The following ERBB4 variants were observed in gnomAD, a reference collection of about 807,000 sequenced individuals.
ERBB4 encodes the protein erb-b2 receptor tyrosine kinase 4.
A neutral mutation model predicts 158.0 loss-of-function variants in ERBB4; 42 were observed. The observed-to-expected ratio is 0.27, with a 90% CI of 0.21 to 0.34. The LOEUF (loss-of-function observed/expected upper bound fraction) is 0.34, where lower values mean the gene tolerates loss of function less well. Ranked by LOEUF, ERBB4 falls within the 10% of genes least tolerant of loss-of-function variation. The probability of loss-of-function intolerance (pLI) is 1.00; values close to 1 mark genes in which losing one functional copy is unlikely to be tolerated. For synonymous variants in ERBB4, 583 were observed against 558.7 expected, an observed-to-expected ratio of 1.04 and a Z score of -0.61; for missense variants, 1,333 against 1,624.1, an observed-to-expected ratio of 0.82 and a Z score of 3.08.
chr2:211,668,113 G>A (rs2071697951), intron 14 of ERBB4, among the ~76,000 whole-genome samples: 1 of 152,144 alleles, frequency 6.6e-6, no homozygotes, highest in Non-Finnish European at 1.5e-5. Context: ...TTAGGCAGTA[G>A]TAATACAATA....
At chr2:212,055,842 A>G (rs1178314433) in intron 2 of ERBB4, among the ~76,000 whole-genome samples, 1 of 152,266 alleles carries the variant, frequency 6.6e-6, no homozygotes, top group Non-Finnish European at 1.5e-5. Context: ...ACAGAGGACA[A>G]AAGCCGAAAA....
chr2:211,904,419 A>G (rs1224330782), intron 3 of ERBB4, among the ~76,000 whole-genome samples: 1 of 152,126 alleles, frequency 6.6e-6, no homozygotes, highest in Non-Finnish European at 1.5e-5. Flanking sequence ...TCTAGGAGAA[A>G]AATTCTTTCT....
rs145864228 is a variant in ERBB4, at chr2:212,480,416, C to G, written c.82+58033G>C. Among the ~76,000 whole-genome samples, 362 of 152,286 alleles carry G rather than the reference C, an allele frequency of 2.4e-3. 4 individuals are homozygous for G. The highest frequency in any genetic ancestry group is 0.022 in the South Asian group (104 of 4,826). On this transcript the variant is annotated intron_variant, in intron 1 of 27. Transcript: ENST00000342788. ...CACCAGATTATGGATGCAAGGCTTT[C>G]TCGGCCACGATGGAGATTTTGGATA...
At chr2:212,396,257 C>T (rs2091022904) in intron 1 of ERBB4, among the ~76,000 whole-genome samples, 1 of 152,094 alleles carries the variant, frequency 6.6e-6, no homozygotes, top group Non-Finnish European at 1.5e-5. Context: ...AGTCTATTAG[C>T]ACATTCCAGC....
At chr2:211,630,647 C>G (rs2125873729) in intron 16 of ERBB4, 53 bp from the exon 17 acceptor site, 1 of 1,503,278 alleles carries the variant, frequency 6.7e-7, no homozygotes, top group Non-Finnish European at 9.2e-7. Context: ...AGAGAGAAGA[C>G]AGAGGAAGAG....
chr2:212,145,462 C>T (rs2080633687), intron 1 of ERBB4, among the ~76,000 whole-genome samples: 1 of 152,082 alleles, frequency 6.6e-6, no homozygotes, highest in Non-Finnish European at 1.5e-5. Flanking sequence ...CACATGCCAT[C>T]TTAGAATAAT....
At chr2:211,786,344 G>A (rs2076164118) in intron 4 of ERBB4, among the ~76,000 whole-genome samples, 2 of 152,106 alleles carry the variant, frequency 1.3e-5, no homozygotes, top group Admixed American at 1.3e-4. Context: ...AATAGCTATG[G>A]TGTCATGCAG....
intron 1 of ERBB4, among the ~76,000 whole-genome samples, chr2:212,227,914 G>A (rs564048026): frequency 6.6e-6 from 1 of 152,184 alleles, no homozygotes; most frequent in African/African-American, 2.4e-5. Context: ...ACTGTGATGC[G>A]ACAGCATGCT....
chr2:211,822,486 G>A (rs1227334907), intron 3 of ERBB4, among the ~76,000 whole-genome samples: 1 of 151,910 alleles, frequency 6.6e-6, no homozygotes, highest in African/African-American at 2.4e-5. Context: ...TGTAGCTGAT[G>A]GAGTTGCAAT....
chr2:211,742,819 T>C (rs1457066213), intron 5 of ERBB4, among the ~76,000 whole-genome samples: 1 of 151,952 alleles, frequency 6.6e-6, no homozygotes, highest in Non-Finnish European at 1.5e-5. Flanking sequence ...TATTAACAAT[T>C]ATCTACAAGA....
chr2:212,530,065 T>A (rs1434292564), intron 1 of ERBB4, among the ~76,000 whole-genome samples: 1 of 152,128 alleles, frequency 6.6e-6, no homozygotes, highest in Non-Finnish European at 1.5e-5. Context: ...CATGAAAAGT[T>A]TCAGAATAAA....
chr2:211,936,140 G>C (rs1173298781), intron 3 of ERBB4, among the ~76,000 whole-genome samples: 1 of 151,684 alleles, frequency 6.6e-6, no homozygotes, highest in Admixed American at 6.6e-5. Context: ...CATTAAAGCA[G>C]AAAGTTCAGA....
chr2:211,535,397 T>C (rs2066617418), intron 20 of ERBB4, among the ~76,000 whole-genome samples: 1 of 152,024 alleles, frequency 6.6e-6, no homozygotes, highest in Admixed American at 6.6e-5. Flanking sequence ...TATATTAAAA[T>C]ATACTCTGGG....
chr2:211,742,286 T>G (rs2074825929), intron 5 of ERBB4, among the ~76,000 whole-genome samples: 1 of 152,208 alleles, frequency 6.6e-6, no homozygotes, highest in African/African-American at 2.4e-5. Flanking sequence ...CAATTACACT[T>G]TAGACAAATT....
intron 20 of ERBB4, among the ~76,000 whole-genome samples, chr2:211,488,938 T>C (rs1460283549): frequency 6.6e-6 from 1 of 152,124 alleles, no homozygotes; most frequent in Non-Finnish European, 1.5e-5. Context: ...ATATGGCTAA[T>C]TGTAGCTTTG....
intron 20 of ERBB4, among the ~76,000 whole-genome samples, chr2:211,516,796 A>G (rs185122873): frequency 6.6e-6 from 1 of 152,286 alleles, no homozygotes; most frequent in East Asian, 1.9e-4. Context: ...AAGAAGTAGT[A>G]GCTCTGAAGC....
chr2:211,591,093 T>G (rs1046836266), intron 19 of ERBB4, among the ~76,000 whole-genome samples: 1 of 152,212 alleles, frequency 6.6e-6, no homozygotes, highest in Non-Finnish European at 1.5e-5. Context: ...TGTGAAATAT[T>G]CTAGTGGCTA....
intron 5 of ERBB4, among the ~76,000 whole-genome samples, chr2:211,745,898 C>G (rs2106196288): frequency 6.6e-6 from 1 of 152,188 alleles, no homozygotes; most frequent in South Asian, 2.1e-4. Context: ...AACTGTGTTA[C>G]AAAATACTGT....
At chr2:212,479,692 T>C (rs1560440587) in intron 1 of ERBB4, among the ~76,000 whole-genome samples, 2 of 152,190 alleles carry the variant, frequency 1.3e-5, no homozygotes. Flanking sequence ...GCCTGTCTGG[T>C]TGCCCTACAT....
Sources: allele counts gnomAD v4.1 joint callset (sites outside exome capture counted in the v4.1 genomes callset), GRCh38; gene constraint gnomAD v4.1.1; transcripts MANE v1.5; gene names NCBI Gene and HGNC (gene_info 2026-07-23, HGNC 2026-07-21).